The following CLSTN2 variants were observed in gnomAD, a reference collection of about 807,000 sequenced individuals.
CLSTN2 encodes calsyntenin-2.
In CLSTN2, 48 loss-of-function variants were observed where a neutral mutation model predicts 101.2. The ratio of observed to expected loss-of-function variants is 0.47; its 90% confidence interval spans 0.38 to 0.60. The LOEUF is 0.60. Among genes scored for constraint, CLSTN2 ranks in the 20% least tolerant of loss-of-function variants. The pLI, the probability that CLSTN2 is intolerant of heterozygous loss-of-function variation, is 0.00. For missense variants in CLSTN2, 1,160 were observed against 1,238.2 expected, an observed-to-expected ratio of 0.94 and a Z score of 0.95; for synonymous variants, 481 against 463.6, an observed-to-expected ratio of 1.04 and a Z score of -0.48.
intron 12 of CLSTN2, among the ~76,000 whole-genome samples, chr3:140,559,177 AAC>A (rs1491273459): frequency 6.6e-6 from 1 of 151,718 alleles, no homozygotes; most frequent in Non-Finnish European, 1.5e-5. Context: ...AAAAAAAAAA[AAC>A]ACAGAAAAAT....
At chr3:140,076,625 GTT>G (rs35645750) in intron 1 of CLSTN2, among the ~76,000 whole-genome samples, 12,404 of 37,340 alleles carry the variant, frequency 0.33, 1,425 homozygotes, top group South Asian at 0.42. Context: ...CACCAGCAGT[GTT>G]TTTTTTTTTT....
chr3:140,526,981 C>G (rs891776921), intron 8 of CLSTN2, among the ~76,000 whole-genome samples: 1 of 152,036 alleles, frequency 6.6e-6, no homozygotes, highest in African/African-American at 2.4e-5. Context: ...TTATAAAAAT[C>G]CTAGAAGAAA....
intron 1 of CLSTN2, among the ~76,000 whole-genome samples, chr3:140,042,751 C>T (rs1316166409): frequency 1.3e-5 from 2 of 152,138 alleles, no homozygotes; most frequent in Non-Finnish European, 1.5e-5. Context: ...TCAATTCCCA[C>T]CTATGAGTGA....
chr3:140,356,177 G>A (rs1310467067), intron 2 of CLSTN2, among the ~76,000 whole-genome samples: 1 of 152,148 alleles, frequency 6.6e-6, no homozygotes, highest in Non-Finnish European at 1.5e-5. Context: ...AGTTTGCAGA[G>A]CCTTGGACCT....
chr3:140,485,383 A>G (rs1044216149), intron 8 of CLSTN2, among the ~76,000 whole-genome samples: 1 of 152,220 alleles, frequency 6.6e-6, no homozygotes, highest in Non-Finnish European at 1.5e-5. Flanking sequence ...GGTGCCTCCC[A>G]GATAGGCTAC....
intron 2 of CLSTN2, among the ~76,000 whole-genome samples, chr3:140,335,767 C>T (rs1231752171): frequency 6.6e-6 from 1 of 152,200 alleles, no homozygotes; most frequent in Non-Finnish European, 1.5e-5. Context: ...CAATCATACA[C>T]CTGTAATTTT....
chr3:140,327,549 G>A (rs2087344118), intron 2 of CLSTN2, among the ~76,000 whole-genome samples: 1 of 152,156 alleles, frequency 6.6e-6, no homozygotes, highest in South Asian at 2.1e-4. Context: ...GGGAATTGGG[G>A]AAAACCTCTC....
chr3:140,567,130 A>ACAGT lies in CLSTN2; in HGVS notation c.*880_*883dup, dbSNP rs1211618009. 6.6e-6 allele frequency: 1 copy of ACAGT among 151,408 alleles called. No individual in the cohort carries two copies. The highest frequency in any genetic ancestry group is 1.5e-5 in the Non-Finnish European group (1 of 67,640). 9.4% of individuals were successfully genotyped at this position (151,408 alleles called of 1,614,324 possible). A position where few individuals can be genotyped will look rare whatever the true frequency, so the allele number is the denominator to read the frequency against. ...GGACACAACACAACACACAACAAGG[A>ACAGT]CAGTCACAACAAGCCTAGAGCCAGA... On this transcript the variant is annotated 3_prime_UTR_variant, in exon 17 of 17. Transcript: ENST00000458420.
At chr3:140,278,366 G>C (rs988521674) in intron 2 of CLSTN2, among the ~76,000 whole-genome samples, 1 of 151,974 alleles carries the variant, frequency 6.6e-6, no homozygotes, top group South Asian at 2.1e-4. Context: ...ACTTGAGCGA[G>C]CGGGTCCCCA....
At chr3:140,320,829 C>A (rs1325863077) in intron 2 of CLSTN2, among the ~76,000 whole-genome samples, 1 of 152,076 alleles carries the variant, frequency 6.6e-6, no homozygotes, top group Non-Finnish European at 1.5e-5. Flanking sequence ...GAAATGCAAA[C>A]ATAGACAGCG....
intron 10 of CLSTN2, among the ~76,000 whole-genome samples, chr3:140,552,732 C>G (rs371666820): frequency 2.6e-5 from 4 of 152,116 alleles, no homozygotes; most frequent in African/African-American, 9.7e-5. Flanking sequence ...CTCATGCTTT[C>G]GATGTGCTAG....
intron 1 of CLSTN2, among the ~76,000 whole-genome samples, chr3:140,075,146 A>G (rs1264838033): frequency 1.3e-5 from 2 of 152,210 alleles, no homozygotes; most frequent in Admixed American, 6.5e-5. Context: ...AGAACCTGCT[A>G]TTGGCTATCT....
In CLSTN2 at chr3:140,563,000, T is replaced by G. The variant is rs562912205; in HGVS notation, c.2358+44T>G. ...TGTTAGGGAAGCCAAGGCTCACCCA[T>G]TCCCTCATTCATTCAGAAATGCTGT... is the stretch of plus-strand genomic sequence containing the variant. On this transcript the variant is annotated intron_variant, in intron 14 of 16. Transcript: ENST00000458420. 3 of 1,612,202 alleles carry G rather than the reference T, an allele frequency of 1.9e-6. No homozygotes were observed. The South Asian group carries it at 3.3e-5, about 18-fold the overall frequency.
At chr3:139,998,403 A>ATATC (rs71149005) in intron 1 of CLSTN2, among the ~76,000 whole-genome samples, 72,875 of 135,176 alleles carry the variant, frequency 0.54, 20,914 homozygotes, top group Admixed American at 0.65. Flanking sequence ...CAGTGGCGCG[A>ATATC]GGCTCACTGC....
At chr3:140,357,656 A>G (rs1007780053) in intron 2 of CLSTN2, among the ~76,000 whole-genome samples, 6 of 152,114 alleles carry the variant, frequency 3.9e-5, no homozygotes, top group African/African-American at 1.4e-4. Context: ...GGCCGCCAGG[A>G]AAGAGAGAGC....
At chr3:139,948,363 A>G (rs6795141) in intron 1 of CLSTN2, among the ~76,000 whole-genome samples, 7,558 of 151,764 alleles carry the variant, frequency 0.05, 589 homozygotes, top group African/African-American at 0.17. Context: ...TACTCAGGAG[A>G]GTGAGGCAGG....
intron 5 of CLSTN2, among the ~76,000 whole-genome samples, chr3:140,437,628 G>C (rs2088701854): frequency 6.6e-6 from 1 of 152,206 alleles, no homozygotes; most frequent in East Asian, 1.9e-4. Flanking sequence ...ACAGAAAGAG[G>C]CTGGCTGTCT....
chr3:140,021,954 G>A (rs757118427), intron 1 of CLSTN2, among the ~76,000 whole-genome samples: 11 of 152,176 alleles, frequency 7.2e-5, no homozygotes, highest in Non-Finnish European at 1.2e-4. Context: ...CGAGTCAGGC[G>A]GCAGACAGAA....
intron 8 of CLSTN2, among the ~76,000 whole-genome samples, chr3:140,494,788 T>A (rs1349533193): frequency 1.3e-5 from 2 of 152,222 alleles, no homozygotes. Context: ...GCAAAGGACA[T>A]GCTCTCATTC....
Sources: allele counts gnomAD v4.1 joint callset (sites outside exome capture counted in the v4.1 genomes callset), GRCh38; gene constraint gnomAD v4.1.1; transcripts MANE v1.5; gene names NCBI Gene and HGNC (gene_info 2026-07-23, HGNC 2026-07-21).